TIAM1: variants seen among roughly 807,000 people sequenced by gnomAD.
The protein encoded by TIAM1 is TIAM Rac1 associated GEF 1.
In TIAM1, 65 loss-of-function variants were observed where a neutral mutation model predicts 163.5. The ratio of observed to expected loss-of-function variants is 0.40; its 90% CI spans 0.33 to 0.49. TIAM1 has a LOEUF of 0.49. Ranked by LOEUF, TIAM1 falls within the 20% of genes least tolerant of loss-of-function variation. TIAM1 has a pLI of 0.77. For missense variants in TIAM1, 1,789 were observed against 2,044.7 expected, an observed-to-expected ratio of 0.87 and a Z score of 2.41; for synonymous variants, 833 against 810.1, an observed-to-expected ratio of 1.03 and a Z score of -0.48.
At chr21:31,405,594 C>A (rs1455590849) in intron 2 of TIAM1, among the ~76,000 whole-genome samples, 1 of 152,084 alleles carries the variant, frequency 6.6e-6, no homozygotes. Flanking sequence ...TGGTGGAAGA[C>A]AAGGAGGAGC....
At chr21:31,205,070 TAAA>T (rs1280844980) in intron 11 of TIAM1, among the ~76,000 whole-genome samples, 1 of 152,166 alleles carries the variant, frequency 6.6e-6, no homozygotes, top group Non-Finnish European at 1.5e-5. Flanking sequence ...CCAGGGAACA[TAAA>T]ACAGGAACTT....
intron 2 of TIAM1, among the ~76,000 whole-genome samples, chr21:31,370,974 C>T (rs1303628471): frequency 2.0e-5 from 3 of 152,104 alleles, no homozygotes; most frequent in Admixed American, 2.0e-4. Context: ...TTGAGTTTGG[C>T]CCCCAGTGTC....
At chr21:31,257,710 T>C (rs1448236726) in intron 4 of TIAM1, among the ~76,000 whole-genome samples, 1 of 152,092 alleles carries the variant, frequency 6.6e-6, no homozygotes, top group African/African-American at 2.4e-5. Context: ...CCTCCCCCGG[T>C]GTCCCGCGTT....
At chr21:31,158,839 C>T (rs1472040723) in intron 16 of TIAM1, among the ~76,000 whole-genome samples, 1 of 152,118 alleles carries the variant, frequency 6.6e-6, no homozygotes, top group Non-Finnish European at 1.5e-5. Flanking sequence ...CCCTTCTCCA[C>T]GCAGCTTAGC....
chr21:31,514,288 G>A (rs78742507), intron 1 of TIAM1, among the ~76,000 whole-genome samples: 3,552 of 152,058 alleles, frequency 0.023, 141 homozygotes, highest in African/African-American at 0.081. Flanking sequence ...AACCAATCTC[G>A]TTTAATGAGA....
At chr21:31,169,705 C>T (rs1416305176) in intron 15 of TIAM1, among the ~76,000 whole-genome samples, 1 of 151,856 alleles carries the variant, frequency 6.6e-6, no homozygotes, top group Admixed American at 6.6e-5. Flanking sequence ...ACAGCTGATA[C>T]ACACACAGGT....
chr21:31,221,741 T>C (rs1036381579), intron 8 of TIAM1, among the ~76,000 whole-genome samples: 11 of 152,196 alleles, frequency 7.2e-5, no homozygotes, highest in Non-Finnish European at 2.9e-5. Flanking sequence ...CATCACGAGT[T>C]CCCTTCATAA....
At chr21:31,378,589 C>T (rs2076727733) in intron 2 of TIAM1, among the ~76,000 whole-genome samples, 1 of 152,154 alleles carries the variant, frequency 6.6e-6, no homozygotes, top group Non-Finnish European at 1.5e-5. Context: ...TATCTTAACC[C>T]TCAAGGCTTT....
chr21:31,448,609 TAA>T (rs36095276), intron 2 of TIAM1, among the ~76,000 whole-genome samples: 7 of 128,684 alleles, frequency 5.4e-5, no homozygotes, highest in Non-Finnish European at 3.2e-5. Flanking sequence ...CCATCTCAAT[TAA>T]AAAAAAAAAA....
chr21:31,360,925 T>C (rs1337497293), intron 2 of TIAM1, among the ~76,000 whole-genome samples: 4 of 152,132 alleles, frequency 2.6e-5, no homozygotes, highest in African/African-American at 9.7e-5. Flanking sequence ...GAGGGCATAA[T>C]GCAAGAGGAA....
intron 2 of TIAM1, among the ~76,000 whole-genome samples, chr21:31,456,490 A>C (rs1372018280): frequency 6.6e-6 from 1 of 152,252 alleles, no homozygotes; most frequent in Non-Finnish European, 1.5e-5. Context: ...CGTCTGCTGC[A>C]TTTGGAAGAT....
At chr21:31,122,082 G>A in intron 27 of TIAM1, among the ~76,000 whole-genome samples, 1 of 152,140 alleles carries the variant, frequency 6.6e-6, no homozygotes, top group Non-Finnish European at 1.5e-5. Context: ...CAGGCACAGG[G>A]TTAGAGTGGT....
chr21:31,444,095 T>C (rs2044530628), intron 2 of TIAM1, among the ~76,000 whole-genome samples: 1 of 152,196 alleles, frequency 6.6e-6, no homozygotes, highest in African/African-American at 2.4e-5. Flanking sequence ...AAAAATTTCA[T>C]GAAAATCAAT....
chr21:31,171,053 A>C (rs1270919427), intron 15 of TIAM1, among the ~76,000 whole-genome samples: 1 of 150,994 alleles, frequency 6.6e-6, no homozygotes, highest in African/African-American at 2.4e-5. Context: ...AAAAAAAAAA[A>C]AAAAAAAAAT....
intron 2 of TIAM1, among the ~76,000 whole-genome samples, chr21:31,327,491 T>C (rs1351080136): frequency 1.3e-5 from 2 of 150,802 alleles, no homozygotes; most frequent in African/African-American, 4.9e-5. Flanking sequence ...ATAGAAAAAA[T>C]TAGCCTGGTG....
intron 1 of TIAM1, among the ~76,000 whole-genome samples, chr21:31,516,030 C>T (rs773250267): frequency 5.3e-4 from 81 of 151,472 alleles, no homozygotes; most frequent in Admixed American, 1.5e-3. Flanking sequence ...ATCACTTGAA[C>T]CCAGGAGGCG....
intron 1 of TIAM1, among the ~76,000 whole-genome samples, chr21:31,532,869 C>A (rs982352553): frequency 2.0e-5 from 3 of 152,142 alleles, no homozygotes; most frequent in Admixed American, 2.0e-4. Flanking sequence ...ATCCTTGTGT[C>A]CTGTAGGTCG....
At chr21:31,480,044 T>C (rs1038360683) in intron 1 of TIAM1, among the ~76,000 whole-genome samples, 8 of 152,228 alleles carry the variant, frequency 5.3e-5, no homozygotes, top group African/African-American at 1.4e-4. Context: ...CAGCTATGCA[T>C]TTTAGCTCTT....
chr21:31,475,493 T>C (rs2045910349), intron 1 of TIAM1, among the ~76,000 whole-genome samples: 1 of 152,208 alleles, frequency 6.6e-6, no homozygotes, highest in Admixed American at 6.5e-5. Context: ...AAATAAATGT[T>C]ATTTTCTTCA....
Sources: gnomAD v4.1 joint callset for allele counts (sites outside exome capture counted in the v4.1 genomes callset) on GRCh38, gnomAD v4.1.1 for gene constraint, MANE v1.5 for transcripts, NCBI Gene and HGNC (gene_info 2026-07-23, HGNC 2026-07-21) for gene names.